Variants in KLF13 observed in about 807,000 individuals in gnomAD.
The protein encoded by KLF13 is KLF transcription factor 13.
In KLF13, 8 loss-of-function variants were observed where a neutral mutation model predicts 16.7. The ratio of observed to expected loss-of-function variants is 0.48; its 90% CI spans 0.28 to 0.87. The LOEUF is 0.87. Among genes scored for constraint, KLF13 ranks in the 40% least tolerant of loss-of-function variants. The pLI is 0.10. For synonymous variants in KLF13, 245 were observed against 208.4 expected (o/e 1.18, Z -1.51); for missense variants, 447 against 452.2 (o/e 0.99, Z 0.10).
At chr15:31,363,893 T>G (rs895581494) in intron 1 of KLF13, among the ~76,000 whole-genome samples, 2 of 152,282 alleles carry the variant, frequency 1.3e-5, no homozygotes, top group African/African-American at 4.8e-5. Context: ...TTAGAATCTT[T>G]GACCCATTTA....
upstream of KLF13, among the ~76,000 whole-genome samples, chr15:31,391,998 G>C (rs1440924983): frequency 1.3e-5 from 2 of 152,034 alleles, no homozygotes; most frequent in African/African-American, 4.8e-5. Context: ...TCGGCTGGGC[G>C]GGCGCCGAGC....
rs868793481 is a variant in KLF13 at position 31,375,052 on chromosome 15, G to C, written c.*2753G>C. 2.0e-5 allele frequency: 3 copies of C among 152,632 alleles called. No homozygotes were observed. The highest frequency in any genetic ancestry group is 2.0e-4 in the Admixed American group (3 of 15,288). 9.5% of individuals were successfully genotyped at this position (152,632 alleles called of 1,614,324 possible). Reference sequence around the variant, plus strand: ...CCAAAGTGGTTCTCGTTTAATGGCAGGGTGCGGTCCTTAGGCCCCGGCCTG... The same window carrying C: ...CCAAAGTGGTTCTCGTTTAATGGCACGGTGCGGTCCTTAGGCCCCGGCCTG... On this transcript the variant is annotated 3_prime_UTR_variant, in exon 2 of 2. Coordinates refer to ENST00000307145, the MANE Select transcript of KLF13 (RefSeq NM_015995.4).
At position 31,352,735 on chromosome 15, in the gene KLF13, T is replaced by G. The variant is rs113819646; in HGVS notation, c.578-19275T>G. 2.1e-3 allele frequency among the ~76,000 whole-genome samples: 315 copies of G among 152,336 alleles called. 1 individual carries two copies. Among genetic ancestry groups the G allele is most frequent in the African/African-American group, 6.8e-3 (281 of 41,582 alleles). On this transcript the variant is annotated intron_variant, in intron 1 of 1. Coordinates refer to ENST00000307145, the MANE Select transcript of KLF13 (RefSeq NM_015995.4). ...GGGCTGATTTATTTCTTCTGACATT[T>G]GCAAGCTGTTAGGTGGCAGAGATCA...
chr15:31,339,652 C>T (rs1341548869), intron 1 of KLF13, among the ~76,000 whole-genome samples: 3 of 152,256 alleles, frequency 2.0e-5, no homozygotes, highest in Admixed American at 2.0e-4. Flanking sequence ...TGACTGAGCC[C>T]GAGGAGCGCC....
chr15:31,365,857 G>A (rs1323639884), intron 1 of KLF13, among the ~76,000 whole-genome samples: 1 of 152,100 alleles, frequency 6.6e-6, no homozygotes, highest in Non-Finnish European at 1.5e-5. Flanking sequence ...CGGATTGGGG[G>A]CTCAGCTGAA....
upstream of KLF13, among the ~76,000 whole-genome samples, chr15:31,388,621 A>G (rs2039822134): frequency 6.6e-6 from 1 of 151,432 alleles, no homozygotes; most frequent in Non-Finnish European, 1.5e-5. Flanking sequence ...AAAAAAAAAA[A>G]AGAAAAAGAA....
intron 1 of KLF13, among the ~76,000 whole-genome samples, chr15:31,423,165 G>GTATATATACT (rs2040362699): frequency 9.6e-6 from 1 of 104,440 alleles, no homozygotes; most frequent in African/African-American, 6.2e-5. Context: ...GTATATATAT[G>GTATATATACT]TATATATATA....
At chr15:31,351,121 GC>G (rs1171010187) in intron 1 of KLF13, among the ~76,000 whole-genome samples, 1 of 152,216 alleles carries the variant, frequency 6.6e-6, no homozygotes, top group Non-Finnish European at 1.5e-5. Flanking sequence ...TCTTTTCTCA[GC>G]CCGTATCATG....
downstream of KLF13, among the ~76,000 whole-genome samples, chr15:31,407,066 C>A (rs930109108): frequency 6.6e-6 from 1 of 152,132 alleles, no homozygotes; most frequent in African/African-American, 2.4e-5. Flanking sequence ...CTTTGGTGCA[C>A]CATTATTTTG....
At chr15:31,435,278 G>C (rs555106334) in intron 1 of KLF13, 5 of 152,252 alleles carry the variant, frequency 3.3e-5, no homozygotes, top group African/African-American at 9.6e-5. Flanking sequence ...GAATGACTAG[G>C]AGAAGGGTCT....
At chr15:31,368,137 C>G (rs2039504954) in intron 1 of KLF13, among the ~76,000 whole-genome samples, 1 of 151,976 alleles carries the variant, frequency 6.6e-6, no homozygotes, top group South Asian at 2.1e-4. Context: ...GACCCTTTTT[C>G]CAGATAAGAT....
chr15:31,347,551 G>T (rs2039143634), intron 1 of KLF13, among the ~76,000 whole-genome samples: 1 of 152,202 alleles, frequency 6.6e-6, no homozygotes, highest in Admixed American at 6.5e-5. Context: ...AGGTGACTCT[G>T]CCTTGGAGGT....
chr15:31,419,949 C>T (rs2040301495), intron 1 of KLF13, among the ~76,000 whole-genome samples: 1 of 152,110 alleles, frequency 6.6e-6, no homozygotes, highest in African/African-American at 2.4e-5. Flanking sequence ...AGAGAAAAGC[C>T]ACTTGTATGT....
At chr15:31,396,175 G>A (rs995865404) in intron 2 of KLF13, among the ~76,000 whole-genome samples, 1 of 152,102 alleles carries the variant, frequency 6.6e-6, no homozygotes, top group Admixed American at 6.5e-5. Context: ...ACAGGCATGC[G>A]CTACCACGCC....
At position 31,327,743 on chromosome 15, in the gene KLF13, T is replaced by A. The variant is rs781577330; in HGVS notation, c.531T>A (p.Val177=). 6.5e-7 allele frequency: 1 copy of A among 1,534,156 alleles called. No individual in the cohort carries two copies. Among genetic ancestry groups the A allele is most frequent in the African/African-American group, 1.4e-5 (1 of 69,418 alleles). ...GCCACTACGCGGGCTGCGAGAAAGT[T>A]TACGGGAAATCTTCGCACCTCAAGG... ...HKCHYAGCEK[V]YGKSSHLKAH... Residue 177 remains valine (V), a synonymous_variant, in exon 1 of 2, where the codon GTT becomes GTA. Transcript: ENST00000307145.
chr15:31,421,047 T>C (rs377713666), intron 1 of KLF13, among the ~76,000 whole-genome samples: 3 of 152,336 alleles, frequency 2.0e-5, no homozygotes, highest in African/African-American at 7.2e-5. Flanking sequence ...GTCTGTCCTG[T>C]CTGTGATTTC....
chr15:31,399,677 C>G (rs1452988554), intron 2 of KLF13, among the ~76,000 whole-genome samples: 1 of 152,230 alleles, frequency 6.6e-6, no homozygotes, highest in Non-Finnish European at 1.5e-5. Context: ...GGGGTGTGGT[C>G]TCAGAGTCAG....
intron 1 of KLF13, chr15:31,340,026 C>A: frequency 1.4e-6 from 1 of 702,384 alleles, no homozygotes; most frequent in South Asian, 1.5e-5. Context: ...ATTTTACTGT[C>A]AGTAGGGCTG....
At position 31,412,213 on chromosome 15, in the gene KLF13, A is replaced by T. The variant is rs952367255; in HGVS notation, n.117+18522A>T. 2.6e-5 allele frequency among the ~76,000 whole-genome samples: 4 copies of T among 152,340 alleles called. No homozygotes were observed. The East Asian group carries it at 7.7e-4, about 29-fold the overall frequency. ...ACAGCTAGAAGCTGCCATCTTTGAAAAAAAGGAGCTTTTGCCAGACACCAA... is the reference window on the plus strand; with the variant it reads ...ACAGCTAGAAGCTGCCATCTTTGAATAAAAGGAGCTTTTGCCAGACACCAA... On this transcript the variant is annotated intron_variant and non_coding_transcript_variant, in intron 1 of 1. Coordinates refer to the KLF13 transcript ENST00000558225.
Sources: gnomAD v4.1 joint callset for allele counts (sites outside exome capture counted in the v4.1 genomes callset) on GRCh38, gnomAD v4.1.1 for gene constraint, MANE v1.5 for transcripts, NCBI Gene and HGNC (gene_info 2026-07-23, HGNC 2026-07-21) for gene names.